The following GRIN2A variants were observed in gnomAD, a reference collection of about 807,000 sequenced individuals.
GRIN2A encodes the protein glutamate ionotropic receptor NMDA type subunit 2A.
A neutral mutation model predicts 113.4 loss-of-function variants in GRIN2A; 22 were observed. The observed-to-expected ratio is 0.19, with a 90% CI of 0.14 to 0.28. The LOEUF (loss-of-function observed/expected upper bound fraction) is 0.28, where lower values mean the gene tolerates loss of function less well. GRIN2A is among the 10% of genes least tolerant of loss of function. GRIN2A has a pLI of 1.00. For synonymous variants in GRIN2A, 827 were observed against 738.4 expected (o/e 1.12, Z -1.94); for missense variants, 1,502 against 1,887.0 (o/e 0.80, Z 3.78).
chr16:10,180,934 C>T lies in GRIN2A; in HGVS notation c.-18-505G>A, dbSNP rs1302261083. On this transcript the variant is annotated intron_variant, in intron 1 of 12. Transcript: ENST00000330684. This position sits in a 1 kb window ranked among gnomAD's most constrained non-coding sequence, Gnocchi z 7.0. Reference sequence around the variant, plus strand: ...GCGTGCGGAGGCGGCACCCAGACCCCGCGTCCCAGCTTGAGAGCTCAGCTA... The same window carrying T: ...GCGTGCGGAGGCGGCACCCAGACCCTGCGTCCCAGCTTGAGAGCTCAGCTA... The T allele has an allele frequency of 1.0e-5, 2 of 195,108 alleles. No homozygotes were observed. The highest frequency in any genetic ancestry group is 2.4e-3 in the Middle Eastern group (1 of 422). 12.1% of individuals were successfully genotyped at this position (195,108 alleles called of 1,614,324 possible).
rs2050254984 is a variant in GRIN2A, at chr16:10,180,860, T to C, written c.-18-431A>G. On this transcript the variant is annotated intron_variant, in intron 1 of 12. Coordinates refer to ENST00000330684, the MANE Select transcript of GRIN2A (RefSeq NM_001134407.3). The surrounding 1 kb of genome is among the most constrained non-coding windows in gnomAD (Gnocchi z 7.0). The stretch of plus-strand genomic sequence containing the variant: ...CCACCTGGGATAGAGAGGACCAAGT[T>C]ATCAACCCCGCCCCCTGCTGGCGCG... The C allele has an allele frequency of 4.9e-6, 1 of 202,734 alleles. No homozygotes were observed. The highest frequency in any genetic ancestry group is 5.5e-5 in the Admixed American group (1 of 18,234). 12.6% of individuals were successfully genotyped at this position (202,734 alleles called of 1,614,324 possible).
At chr16:10,105,939 AATGT>A (rs1202327690) in intron 2 of GRIN2A, among the ~76,000 whole-genome samples, 15 of 151,442 alleles carry the variant, frequency 9.9e-5, no homozygotes, top group African/African-American at 3.6e-4. Context: ...AGCAAAATAA[AATGT>A]ATGCATAAAC....
intron 10 of GRIN2A, among the ~76,000 whole-genome samples, chr16:9,813,258 TTTAA>T (rs1316281234): frequency 6.6e-6 from 1 of 152,232 alleles, no homozygotes; most frequent in African/African-American, 2.4e-5. Context: ...AACTGTCTAC[TTTAA>T]TTGAGAAAAG....
chr16:9,808,625 T>C (rs566957645), intron 10 of GRIN2A, among the ~76,000 whole-genome samples: 2 of 152,328 alleles, frequency 1.3e-5, no homozygotes, highest in African/African-American at 4.8e-5. Context: ...AGAGAGGTTA[T>C]TTAATTTGCC....
At chr16:9,811,476 G>A (rs1044874085) in intron 10 of GRIN2A, among the ~76,000 whole-genome samples, 5 of 152,272 alleles carry the variant, frequency 3.3e-5, no homozygotes, top group East Asian at 1.9e-4. Context: ...AACAAGAGGT[G>A]GGCCAGGTGT....
At chr16:9,850,889 G>T (rs575902160) in intron 4 of GRIN2A, among the ~76,000 whole-genome samples, 7 of 152,146 alleles carry the variant, frequency 4.6e-5, no homozygotes, top group African/African-American at 1.7e-4. Context: ...TCACATACAC[G>T]CTGGGAGGAA....
At chr16:10,102,980 G>A (rs556807595) in intron 2 of GRIN2A, among the ~76,000 whole-genome samples, 18 of 152,310 alleles carry the variant, frequency 1.2e-4, no homozygotes, top group African/African-American at 4.3e-4. Flanking sequence ...AGCATCTATT[G>A]TCTGCTCTGT....
At chr16:9,874,256 T>C (rs1272247335) in intron 4 of GRIN2A, among the ~76,000 whole-genome samples, 2 of 152,128 alleles carry the variant, frequency 1.3e-5, no homozygotes, top group Non-Finnish European at 2.9e-5. Context: ...CAAAAGACAA[T>C]GGCTAGATAA....
intron 4 of GRIN2A, among the ~76,000 whole-genome samples, chr16:9,879,658 C>A (rs915441926): frequency 6.6e-6 from 1 of 152,134 alleles, no homozygotes; most frequent in Non-Finnish European, 1.5e-5. Flanking sequence ...AGAGTGCAGA[C>A]AATTGGGTTC....
intron 3 of GRIN2A, among the ~76,000 whole-genome samples, chr16:9,891,953 G>C (rs184610097): frequency 1.3e-5 from 2 of 152,164 alleles, no homozygotes; most frequent in Admixed American, 1.3e-4. Flanking sequence ...GAAGGTGCAG[G>C]CATGGTGGCT....
At chr16:9,941,566 A>T (rs2044876667) in intron 2 of GRIN2A, among the ~76,000 whole-genome samples, 1 of 152,074 alleles carries the variant, frequency 6.6e-6, no homozygotes, top group South Asian at 2.1e-4. Context: ...CCCATTACCC[A>T]CTATGCTGAT....
At chr16:10,055,071 AAAAAAAAAAAAAAAGAAAAAAGAAAG>A (rs2047427372) in intron 2 of GRIN2A, among the ~76,000 whole-genome samples, 6 of 76,030 alleles carry the variant, frequency 7.9e-5, no homozygotes, top group African/African-American at 1.4e-4. Flanking sequence ...AAAAAAAAAA[AAAAAAAAAAAAAAAGAAAAAAGAAAG>A]AAAGAAAGAA....
intron 2 of GRIN2A, among the ~76,000 whole-genome samples, chr16:9,960,712 C>T (rs2045421417): frequency 6.6e-6 from 1 of 152,190 alleles, no homozygotes; most frequent in Non-Finnish European, 1.5e-5. Flanking sequence ...GCAACCTCTG[C>T]CTCCTGGGCT....
intron 2 of GRIN2A, among the ~76,000 whole-genome samples, chr16:10,122,485 A>G (rs2048853947): frequency 6.6e-6 from 1 of 152,158 alleles, no homozygotes; most frequent in Admixed American, 6.6e-5. Context: ...TGCCTGGAGC[A>G]CGTGATCTTT....
chr16:10,134,585 C>A (rs1272492217), intron 2 of GRIN2A, among the ~76,000 whole-genome samples: 1 of 151,940 alleles, frequency 6.6e-6, no homozygotes, highest in Non-Finnish European at 1.5e-5. Flanking sequence ...ATGTAACAAA[C>A]CTGCACATTG....
chr16:9,825,361 C>G (rs989895662), intron 9 of GRIN2A, among the ~76,000 whole-genome samples: 3 of 152,124 alleles, frequency 2.0e-5, no homozygotes, highest in African/African-American at 7.2e-5. Context: ...ACATTTCAGC[C>G]AAACAATGAA....
intron 9 of GRIN2A, among the ~76,000 whole-genome samples, chr16:9,829,175 C>T (rs1438792846): frequency 5.9e-5 from 9 of 152,196 alleles, no homozygotes; most frequent in Admixed American, 5.2e-4. Context: ...AAATAGGAAA[C>T]ACGACCACTC....
At chr16:9,987,781 ACCAGGTAGAAACAC>A (rs1346567159) in intron 2 of GRIN2A, among the ~76,000 whole-genome samples, 1 of 152,208 alleles carries the variant, frequency 6.6e-6, no homozygotes, top group African/African-American at 2.4e-5. Context: ...TCAGATCTGA[ACCAGGTAGAAACAC>A]CCATTCTAAA....
At chr16:10,085,677 G>C (rs1338397888) in intron 2 of GRIN2A, among the ~76,000 whole-genome samples, 1 of 152,138 alleles carries the variant, frequency 6.6e-6, no homozygotes, top group Non-Finnish European at 1.5e-5. Context: ...CAAGTCTTTT[G>C]AGATGGCCTG....
Sources: gnomAD v4.1 joint callset for allele counts (sites outside exome capture counted in the v4.1 genomes callset) on GRCh38, gnomAD v4.1.1 for gene constraint, Gnocchi (gnomAD v3.1) non-coding constraint, MANE v1.5 for transcripts, NCBI Gene and HGNC (gene_info 2026-07-23, HGNC 2026-07-21) for gene names.